Variants in BDP1 observed in about 807,000 individuals in gnomAD.
BDP1 encodes transcription factor TFIIIB component B'' homolog.
In BDP1, 169 loss-of-function variants were observed where a neutral mutation model predicts 266.6. That is an observed-to-expected ratio of 0.63 (90% CI 0.56 to 0.72). The LOEUF (loss-of-function observed/expected upper bound fraction) is 0.72. Ranked by LOEUF, BDP1 falls within the 30% of genes least tolerant of loss-of-function variation. The probability of loss-of-function intolerance (pLI) is 0.00; values close to 1 mark genes in which losing one functional copy is unlikely to be tolerated. For synonymous variants in BDP1, 1,090 were observed against 1,022.4 expected, an observed-to-expected ratio of 1.07 and a Z score of -1.26; for missense variants, 3,015 against 3,053.8, an observed-to-expected ratio of 0.99 and a Z score of 0.30.
chr5:71,523,910 C>T (rs758231023), intron 24 of BDP1, 29 bp from the exon 25 acceptor site: 2 of 1,579,776 alleles, frequency 1.3e-6, no homozygotes, highest in Non-Finnish European at 1.7e-6. Context: ...ATGCATATGA[C>T]CTTATTGTTG....
intron 36 of BDP1, among the ~76,000 whole-genome samples, chr5:71,558,563 C>T (rs1743393754): frequency 2.0e-5 from 3 of 147,694 alleles, no homozygotes; most frequent in East Asian, 2.0e-4. Context: ...TGGTGGCTCA[C>T]GCCTGTAATC....
chr5:71,522,760 A>C lies in BDP1; in HGVS notation c.5198A>C (p.Lys1733Thr). 1.9e-6 allele frequency: 3 copies of C among 1,583,128 alleles called. No individual in the cohort carries two copies. The highest frequency in any genetic ancestry group is 2.6e-6 in the Non-Finnish European group (3 of 1,171,268). ...TAATTTCTTCTTAAATTTAAGGAAA[A>C]AGCTGAGCTTCTGACATCTCTGGAG... is the stretch of plus-strand genomic sequence containing the variant. ...ASNTQLLLKE[K>T]AELLTSLEVS... The change falls in exon 24 of 39, where the codon AAA (lysine) becomes ACA (threonine). Residue 1733 changes from lysine to threonine, a missense_variant. Physicochemically the swap from Lys to Thr is moderately conservative, Grantham distance 78. Around this residue, in one of 3 missense-constraint regions of BDP1, gnomAD observed 2,383 missense variants for 2,404.9 expected, o/e 0.99. Coordinates refer to ENST00000358731, the MANE Select transcript of BDP1 (RefSeq NM_018429.3).
intron 11 of BDP1, among the ~76,000 whole-genome samples, chr5:71,491,569 T>C (rs1027501124): frequency 6.6e-6 from 1 of 152,164 alleles, no homozygotes; most frequent in African/African-American, 2.4e-5. Flanking sequence ...TACTATACAG[T>C]GTTGTTAACT....
In BDP1 at chr5:71,491,111, T is replaced by C. The variant is rs563074640; in HGVS notation, c.1620T>C (p.Thr540=). 6.2e-6 allele frequency: 10 copies of C among 1,613,954 alleles called. No homozygotes were observed. In the South Asian group the frequency reaches 9.9e-5, roughly 16 times the overall value. ...CCACTGAAAAAGTTGAGAAAAGAAC[T>C]GACCCCATCCTTTCATTAAGGTATT... ...FASTEKVEKR[T]DPILSLSNQQ... Residue 540 remains threonine, a synonymous_variant, in exon 11 of 39, where the codon ACT becomes ACC. Coordinates refer to ENST00000358731, the MANE Select transcript of BDP1 (RefSeq NM_018429.3).
intron 2 of BDP1, among the ~76,000 whole-genome samples, chr5:71,460,190 G>A (rs1210168861): frequency 6.6e-6 from 1 of 152,164 alleles, no homozygotes; most frequent in African/African-American, 2.4e-5. Flanking sequence ...GACCAGCCTG[G>A]CCAACATGGT....
At chr5:71,465,969 C>A in intron 4 of BDP1, 127 bp from the exon 5 acceptor site, 1 of 986,916 alleles carries the variant, frequency 1.0e-6, no homozygotes, top group Non-Finnish European at 1.5e-6. Flanking sequence ...ATACTGTTTT[C>A]ATTTGGATTA....
At chr5:71,523,421 C>G (rs1765609361) in intron 24 of BDP1, among the ~76,000 whole-genome samples, 1 of 152,134 alleles carries the variant, frequency 6.6e-6, no homozygotes. Flanking sequence ...ACAAGTGATT[C>G]TCCTGCCTCA....
intron 1 of BDP1, 76 bp from the exon 2 acceptor site, chr5:71,458,503 A>T: frequency 8.9e-7 from 1 of 1,124,142 alleles, no homozygotes; most frequent in Non-Finnish European, 1.2e-6. Flanking sequence ...TTGGATTTTC[A>T]CCAGACTAGG....
At chr5:71,542,580 T>C (rs1767037006) in intron 30 of BDP1, among the ~76,000 whole-genome samples, 1 of 152,092 alleles carries the variant, frequency 6.6e-6, no homozygotes, top group South Asian at 2.1e-4. Context: ...CAGTCAGAAA[T>C]TTGTGTATAG....
Position 71,544,364 on chromosome 5 carries a change from GA to G in BDP1, c.6425del (p.Asn2142MetfsTer42). ...AEMETQRETE[K>X]NASKATELEN... ...GTGTGCTTTTTGTTTAAGAAACAGAGAAAAATGCTTCCAAAGCAACAGAATT... is the reference window on the plus strand; with the variant it reads ...GTGTGCTTTTTGTTTAAGAAACAGAGAAAATGCTTCCAAAGCAACAGAATT... On this transcript the variant is annotated frameshift_variant, in exon 31 of 39. Coordinates refer to ENST00000358731, the MANE Select transcript of BDP1 (RefSeq NM_018429.3). LOFTEE classifies it high-confidence loss of function. 6.2e-7 allele frequency: 1 copy of G among 1,607,372 alleles called. No individual in the cohort carries two copies. Among genetic ancestry groups the G allele is most frequent in the Non-Finnish European group, 8.5e-7 (1 of 1,178,394 alleles).
chr5:71,455,844 G>C lies in BDP1; in HGVS notation c.-34G>C, dbSNP rs1225700579. On this transcript the variant is annotated 5_prime_UTR_variant, in exon 1 of 39. Coordinates refer to ENST00000358731, the MANE Select transcript of BDP1 (RefSeq NM_018429.3). ...CCGGGGCTCGGGGCTGTGAGCGGCC[G>C]TGAGGCTGCCTCCCCGGGCCCCCTG... is the stretch of plus-strand genomic sequence containing the variant. 6.5e-7 allele frequency: 1 copy of C among 1,537,430 alleles called. No individual in the cohort carries two copies. Among genetic ancestry groups the C allele is most frequent in the African/African-American group, 1.4e-5 (1 of 72,818 alleles).
intron 22 of BDP1, among the ~76,000 whole-genome samples, chr5:71,518,017 C>T (rs867305539): frequency 3.3e-5 from 5 of 152,136 alleles, no homozygotes; most frequent in Non-Finnish European, 5.9e-5. Context: ...GTAACTACAT[C>T]GAAGCCAAAT....
intron 26 of BDP1, among the ~76,000 whole-genome samples, chr5:71,534,449 G>C (rs1041297267): frequency 6.6e-6 from 1 of 151,956 alleles, no homozygotes; most frequent in Non-Finnish European, 1.5e-5. Flanking sequence ...CTATATGTCT[G>C]TTCTCATGCT....
Position 71,466,117 on chromosome 5 carries a change from T to A in BDP1, c.681T>A (p.Pro227=). 2 of 1,613,846 alleles carry A rather than the reference T, an allele frequency of 1.2e-6. No individual in the cohort carries two copies. The highest frequency in any genetic ancestry group is 1.7e-4 in the Middle Eastern group (1 of 6,060). The stretch of plus-strand genomic sequence containing the variant: ...GTAGGCAAGAAGGTAAGAGTACTCC[T>A]AATGCTGAAGATAATGAAATGGAAG... The part of the protein sequence containing the change: ...QTREQEGKST[P]NAEDNEMEEE... Residue 227 remains proline, a synonymous_variant, in exon 5 of 39, where the codon CCT becomes CCA. Transcript: ENST00000358731.
chr5:71,538,245 TC>T (rs1468077380), intron 26 of BDP1, among the ~76,000 whole-genome samples: 1 of 152,198 alleles, frequency 6.6e-6, no homozygotes, highest in Non-Finnish European at 1.5e-5. Flanking sequence ...ATGTCCATAT[TC>T]ATAATAGATA....
Position 71,510,230 on chromosome 5 carries a change from A to G in BDP1, c.3138A>G (p.Pro1046=). The G allele has an allele frequency of 6.2e-7, 1 of 1,613,936 alleles. No homozygotes were observed. The highest frequency in any genetic ancestry group is 2.2e-5 in the East Asian group (1 of 44,854). Residue 1046 remains proline (P), a synonymous_variant, in exon 17 of 39, where the codon CCA becomes CCG. Transcript: ENST00000358731. ...AAGAAACTGAAAGAGAAGTATCCCCACAGGAAAATGGACTAGAGGAGGTCA... is the reference window on the plus strand; with the variant it reads ...AAGAAACTGAAAGAGAAGTATCCCCGCAGGAAAATGGACTAGAGGAGGTCA... ...DLEETEREVS[P]QENGLEEVKP...
chr5:71,543,083 A>G (rs1427077757), intron 30 of BDP1, among the ~76,000 whole-genome samples: 1 of 152,066 alleles, frequency 6.6e-6, no homozygotes, highest in African/African-American at 2.4e-5. Flanking sequence ...ATGAAACCAG[A>G]CTGGGCTGGG....
At chr5:71,537,148 C>CCAAAAAA (rs1766661296) in intron 26 of BDP1, among the ~76,000 whole-genome samples, 6 of 32,222 alleles carry the variant, frequency 1.9e-4, no homozygotes, top group African/African-American at 4.3e-4. Flanking sequence ...AACCAAAAAA[C>CCAAAAAA]CAAAAAAAAA....
the BDP1 span, among the ~76,000 whole-genome samples, chr5:71,573,588 C>CAAATG: frequency 6.6e-6 from 1 of 152,160 alleles, no homozygotes; most frequent in South Asian, 2.1e-4. Flanking sequence ...CGTCTTTTAC[C>CAAATG]CTTTGATGTA....
Sources: gnomAD v4.1 joint callset for allele counts (sites outside exome capture counted in the v4.1 genomes callset) on GRCh38, gnomAD v4.1.1 for gene constraint, gnomAD v4.1.1 regional missense constraint, MANE v1.5 for transcripts, NCBI Gene and HGNC (gene_info 2026-07-23, HGNC 2026-07-21) for gene names.